Variants in NR1I2 observed in about 807,000 individuals in gnomAD.
NR1I2 encodes the protein nuclear receptor subfamily 1 group I member 2.
In NR1I2, 42 loss-of-function variants were observed where a neutral mutation model predicts 43.3. That is an observed-to-expected ratio of 0.97 (90% confidence interval 0.76 to 1.26). The LOEUF (loss-of-function observed/expected upper bound fraction) is 1.26. Among genes scored for constraint, NR1I2 ranks in the 50% most tolerant of loss-of-function variants. The pLI is 0.00. For missense variants in NR1I2, 559 were observed against 566.7 expected, an observed-to-expected ratio of 0.99 and a Z score of 0.14; for synonymous variants, 229 against 215.0, an observed-to-expected ratio of 1.06 and a Z score of -0.57.
chr3:119,783,877 C>G (rs746515083), intron 1 of NR1I2, among the ~76,000 whole-genome samples: 1 of 152,232 alleles, frequency 6.6e-6, no homozygotes, highest in Non-Finnish European at 1.5e-5. Context: ...AATAGCAAGA[C>G]TTGGAGACTT....
rs1485667240 is a variant in NR1I2 at position 119,805,706 on chromosome 3, C to A, written c.-22-1523C>A. ...TGACAGAGCAAGACTTGGTCCCCCCCTCCCCCCCACCAAAAAAAAAAGAAA... is the reference window on the plus strand; with the variant it reads ...TGACAGAGCAAGACTTGGTCCCCCCATCCCCCCCACCAAAAAAAAAAGAAA... On this transcript the variant is annotated intron_variant, in intron 1 of 8. Transcript: ENST00000393716. Among the ~76,000 whole-genome samples, 16 of 31,936 alleles carry A rather than the reference C, an allele frequency of 5.0e-4. 1 individual carries two copies. Among genetic ancestry groups the A allele is most frequent in the Non-Finnish European group, 1.8e-3 (11 of 6,162 alleles). The allele number at this position is 31,936 out of a possible 152,430, so 21.0% of individuals were successfully genotyped here.
intron 1 of NR1I2, among the ~76,000 whole-genome samples, chr3:119,795,913 G>A (rs1344142642): frequency 6.6e-6 from 1 of 152,110 alleles, no homozygotes; most frequent in Non-Finnish European, 1.5e-5. Flanking sequence ...CACTAAAGAT[G>A]ACCACTTCCC....
chr3:119,800,231 C>T (rs1216739606), intron 1 of NR1I2, among the ~76,000 whole-genome samples: 1 of 152,186 alleles, frequency 6.6e-6, no homozygotes, highest in Non-Finnish European at 1.5e-5. Flanking sequence ...TTTCCAAGCA[C>T]CTTTTTTTAG....
In NR1I2 at chr3:119,812,741, C is replaced by G. The variant is rs748782694; in HGVS notation, c.575C>G (p.Ser192Trp). 6 of 1,614,150 alleles carry G rather than the reference C, an allele frequency of 3.7e-6. No individual in the cohort carries two copies. In the East Asian group the frequency reaches 1.3e-4, roughly 36 times the overall value. Residue 192 changes from serine (S) to tryptophan (W), a missense_variant, in exon 5 of 9, where the codon TCG becomes TGG. Physicochemically the swap from Ser to Trp is radical, Grantham distance 177 (BLOSUM62 -3). Transcript: ENST00000393716. ...TTGCCAGAGTCTCTGCAGGCCCCAT[C>G]GAGGGAAGAAGCTGCCAAGTGGAGC...
At position 119,818,375 on chromosome 3, in the gene NR1I2, A is replaced by G. The variant is rs1428034214; in HGVS notation, c.*1163A>G. On this transcript the variant is annotated 3_prime_UTR_variant, in exon 9 of 9. Transcript: ENST00000393716. The stretch of plus-strand genomic sequence containing the variant: ...GTAAAAATTTTTTTGCATTTTCACA[A>G]ATTATACTTTATATAAGGCATTCCA... The G allele has an allele frequency of 1.0e-6, 1 of 985,280 alleles. No homozygotes were observed. The highest frequency in any genetic ancestry group is 1.1e-4 in the East Asian group (1 of 8,828). 61.0% of individuals were successfully genotyped at this position (985,280 alleles called of 1,614,324 possible). A position where few individuals can be genotyped will look rare whatever the true frequency, so the allele number is the denominator to read the frequency against.
At chr3:119,809,189 T>C (rs1256865419) in intron 2 of NR1I2, among the ~76,000 whole-genome samples, 4 of 152,190 alleles carry the variant, frequency 2.6e-5, no homozygotes, top group Admixed American at 1.3e-4. Flanking sequence ...AGAGATTGTT[T>C]CTTTCCATCC....
At chr3:119,798,652 AAAG>A (rs1222910563) in intron 1 of NR1I2, among the ~76,000 whole-genome samples, 236 of 151,008 alleles carry the variant, frequency 1.6e-3, no homozygotes, top group African/African-American at 5.4e-3. Flanking sequence ...AAAAAAAAAA[AAAG>A]AAAAAGAAAG....
At chr3:119,799,564 T>C (rs2055047910) in intron 1 of NR1I2, among the ~76,000 whole-genome samples, 1 of 152,130 alleles carries the variant, frequency 6.6e-6, no homozygotes, top group Non-Finnish European at 1.5e-5. Context: ...TTGTGCCATA[T>C]TTTTTCTGAT....
At chr3:119,805,238 TTTTTGGTTTGTTTTG>T (rs1181524908) in intron 1 of NR1I2, among the ~76,000 whole-genome samples, 2 of 152,132 alleles carry the variant, frequency 1.3e-5, no homozygotes, top group African/African-American at 4.8e-5. Context: ...TCTAGAAGTT[TTTTTGGTTTGTTTTG>T]TTTTGTTTTG....
rs186269725 is a variant in NR1I2, at chr3:119,817,991, T to C, written c.*779T>C. The C allele has an allele frequency of 1.0e-6, 1 of 985,324 alleles. No homozygotes were observed. 61.0% of individuals were successfully genotyped at this position (985,324 alleles called of 1,614,324 possible). ...AAACGATTTGGATCAAAAGGAGAAATGATAAGTGACAAAAGCAGCACAAGG... is the reference window on the plus strand; with the variant it reads ...AAACGATTTGGATCAAAAGGAGAAACGATAAGTGACAAAAGCAGCACAAGG... On this transcript the variant is annotated 3_prime_UTR_variant, in exon 9 of 9. Transcript: ENST00000393716.
At chr3:119,806,905 C>T (rs943427785) in intron 1 of NR1I2, among the ~76,000 whole-genome samples, 5 of 152,224 alleles carry the variant, frequency 3.3e-5, no homozygotes, top group African/African-American at 1.2e-4. Flanking sequence ...CCTCAGTCCA[C>T]TCAGCTGTGG....
chr3:119,811,814 T>C, intron 4 of NR1I2, 88 bp downstream of exon 4: 1 of 1,268,716 alleles, frequency 7.9e-7, no homozygotes, highest in Middle Eastern at 2.3e-4. Context: ...AAGAAACTTA[T>C]ACAAGGTCAC....
chr3:119,799,939 C>T (rs1043342455), intron 1 of NR1I2, among the ~76,000 whole-genome samples: 10 of 152,084 alleles, frequency 6.6e-5, no homozygotes, highest in Non-Finnish European at 1.2e-4. Flanking sequence ...GCACTCCAGC[C>T]TGCGTGATGA....
intron 1 of NR1I2, among the ~76,000 whole-genome samples, chr3:119,800,877 C>T (rs148896210): frequency 8.5e-4 from 130 of 152,346 alleles, no homozygotes; most frequent in African/African-American, 3.0e-3. Context: ...AAAAAGTTTG[C>T]AGGCAATCAT....
chr3:119,782,482 A>G (rs768132037), intron 1 of NR1I2, among the ~76,000 whole-genome samples, 182 bp downstream of exon 1: 7 of 152,132 alleles, frequency 4.6e-5, no homozygotes, highest in Admixed American at 2.6e-4. Context: ...CATGAAAACA[A>G]TCACTTAATG....
At chr3:119,804,709 G>C (rs1382905260) in intron 1 of NR1I2, among the ~76,000 whole-genome samples, 1 of 151,892 alleles carries the variant, frequency 6.6e-6, no homozygotes, top group East Asian at 1.9e-4. Context: ...GCCTCCCAAA[G>C]TGCTGGGATT....
At chr3:119,802,930 T>C in intron 1 of NR1I2, 2 of 456,604 alleles carry the variant, frequency 4.4e-6, no homozygotes, top group Non-Finnish European at 8.8e-6. Context: ...CCCAAATTCG[T>C]ATGTTAAAAT....
At chr3:119,792,758 C>T (rs1356509822) in intron 1 of NR1I2, among the ~76,000 whole-genome samples, 1 of 152,012 alleles carries the variant, frequency 6.6e-6, no homozygotes, top group Non-Finnish European at 1.5e-5. Context: ...ACCTGTAATC[C>T]CAGCTACTCG....
chr3:119,816,846 C>A (rs2055336867), intron 8 of NR1I2, among the ~76,000 whole-genome samples: 1 of 145,956 alleles, frequency 6.9e-6, no homozygotes, highest in Non-Finnish European at 1.5e-5. Context: ...AAAAAAAAGA[C>A]ACAGCTCCCA....
Sources: gnomAD v4.1 joint callset for allele counts (sites outside exome capture counted in the v4.1 genomes callset) on GRCh38, gnomAD v4.1.1 for gene constraint, MANE v1.5 for transcripts, NCBI Gene and HGNC (gene_info 2026-07-23, HGNC 2026-07-21) for gene names.